The following VPS13C variants were observed in gnomAD, a reference collection of about 807,000 sequenced individuals.
VPS13C encodes the protein intermembrane lipid transfer protein VPS13C.
A neutral mutation model predicts 456.8 loss-of-function variants in VPS13C; 358 were observed. The observed-to-expected ratio is 0.78, with a 90% CI of 0.72 to 0.86. The LOEUF is 0.86. Among genes scored for constraint, VPS13C ranks in the 40% least tolerant of loss-of-function variants. VPS13C has a pLI of 0.00. For missense variants in VPS13C, 4,818 were observed against 4,385.4 expected (o/e 1.10, Z -2.79); for synonymous variants, 1,578 against 1,486.7 (o/e 1.06, Z -1.41).
rs1255816719 is a variant in VPS13C at position 61,936,746 on chromosome 15, G to A, written c.5606C>T (p.Ala1869Val). 1.2e-6 allele frequency: 2 copies of A among 1,606,794 alleles called. No homozygotes were observed. The highest frequency in any genetic ancestry group is 1.3e-5 in the African/African-American group (1 of 74,438). ...IKGKLKPMQV[A>V]LSEDDLTVLM... The stretch of plus-strand genomic sequence containing the variant: ...AACTGTCAAGTCATCTTCACTGAGA[G>A]CAACCTAGAAACCACCAATAATTTG... The change falls in exon 48 of 85, where the codon GCT becomes GTT. Residue 1869 changes from alanine to valine, a missense_variant. By Grantham distance (64) the Ala-to-Val change is moderately conservative. This residue lies in a region of VPS13C where 4,552 missense variants were observed against 4,130.6 expected (regional missense o/e 1.10). Coordinates refer to ENST00000644861, the MANE Select transcript of VPS13C (RefSeq NM_020821.3).
At chr15:62,039,509 T>C (rs761886856) in intron 3 of VPS13C, among the ~76,000 whole-genome samples, 41 of 151,504 alleles carry the variant, frequency 2.7e-4, no homozygotes, top group South Asian at 2.1e-4. Context: ...AACAACTCTA[T>C]AGGAAAAAAT....
rs1277852953 is a variant in VPS13C, at chr15:61,941,791, T to C, written c.5425A>G (p.Ile1809Val). ...SLPPVIDKMN[I>V]ELTQLKLSRT... ...GACAGCTTCAACTGAGTGAGTTCGA[T>C]GTTCATTTTATCAATGACTGGAGGA... The change falls in exon 46 of 85, where the codon ATC (isoleucine) becomes GTC (valine). Residue 1809 changes from isoleucine (I) to valine (V), a missense_variant. Around this residue, in one of 3 missense-constraint regions of VPS13C, gnomAD observed 4,552 missense variants for 4,130.6 expected, o/e 1.10. Coordinates refer to ENST00000644861, the MANE Select transcript of VPS13C (RefSeq NM_020821.3). The C allele has an allele frequency of 1.9e-6, 3 of 1,613,030 alleles. No homozygotes were observed. Among genetic ancestry groups the C allele is most frequent in the Admixed American group, 1.7e-5 (1 of 59,994 alleles).
intron 80 of VPS13C, 54 bp downstream of exon 80, chr15:61,869,446 T>C (rs1203779290): frequency 1.5e-5 from 24 of 1,588,068 alleles, no homozygotes; most frequent in Non-Finnish European, 2.1e-5. Context: ...TATGTATTCC[T>C]TGTAATAATT....
At chr15:61,888,261 G>C (rs1896411372) in intron 67 of VPS13C, among the ~76,000 whole-genome samples, 1 of 152,162 alleles carries the variant, frequency 6.6e-6, no homozygotes, top group Non-Finnish European at 1.5e-5. Flanking sequence ...CAAAAATGAT[G>C]CAACCACTTT....
intron 16 of VPS13C, among the ~76,000 whole-genome samples, chr15:61,992,328 C>G (rs2046248339): frequency 6.6e-6 from 1 of 152,168 alleles, no homozygotes; most frequent in Admixed American, 6.5e-5. Context: ...TTTTCTATCA[C>G]TCCTTCTCTT....
Position 61,910,183 on chromosome 15 carries a change from T to G in VPS13C, c.8838A>C (p.Glu2946Asp). Residue 2946 changes from glutamate to aspartate, a missense_variant, in exon 64 of 85, where the codon GAA becomes GAC. By Grantham distance (45) the Glu-to-Asp change is conservative (BLOSUM62 2). This residue lies in a region of VPS13C where 4,552 missense variants were observed against 4,130.6 expected (regional missense o/e 1.10). Transcript: ENST00000644861. ...RQDNGTLLSL[E>D]DLNGGILVDV... ...ATAAAATATGAAAACTTACCAGATC[T>G]TCTAAGCTCAATAAAGTGCCATTAT... The G allele has an allele frequency of 7.3e-7, 1 of 1,373,614 alleles. No individual in the cohort carries two copies. The allele number at this position is 1,373,614 out of a possible 1,614,324, so 85.1% of individuals were successfully genotyped here. A position where few individuals can be genotyped will look rare whatever the true frequency, so the allele number is the denominator to read the frequency against.
intron 40 of VPS13C, 75 bp downstream of exon 40, chr15:61,950,870 G>A (rs929885807): frequency 7.3e-6 from 7 of 961,692 alleles, no homozygotes; most frequent in East Asian, 5.6e-5. Context: ...GAGAGAAAAT[G>A]AGAATATTAA....
intron 48 of VPS13C, among the ~76,000 whole-genome samples, chr15:61,934,678 T>C (rs1596350845): frequency 6.6e-6 from 1 of 152,186 alleles, no homozygotes; most frequent in East Asian, 1.9e-4. Context: ...GTCCAATACT[T>C]TGCCTTATAT....
Position 61,981,342 on chromosome 15 carries a change from CT to C in VPS13C, c.2165del (p.Gln722ArgfsTer20). 1 of 1,606,502 alleles carries C rather than the reference CT, an allele frequency of 6.2e-7. No homozygotes were observed. The highest frequency in any genetic ancestry group is 8.5e-7 in the Non-Finnish European group (1 of 1,177,430). On this transcript the variant is annotated frameshift_variant and splice_region_variant, in exon 22 of 85. Coordinates refer to ENST00000644861, the MANE Select transcript of VPS13C (RefSeq NM_020821.3). LOFTEE classifies it high-confidence loss of function. Reference sequence around the variant, plus strand: ...GACAAAAAAACGCATATATACCTACCTGAAATGTACCAAAATCTAAAATCAG... The same window carrying C: ...GACAAAAAAACGCATATATACCTACCGAAATGTACCAAAATCTAAAATCAG... ...DLLILDFGTFQLNSKDQGLQK... is the reference protein window; with the variant it reads ...DLLILDFGTFXLNSKDQGLQK...
At chr15:61,897,525 T>C (rs28875310) in intron 66 of VPS13C, among the ~76,000 whole-genome samples, 1 of 151,960 alleles carries the variant, frequency 6.6e-6, no homozygotes, top group African/African-American at 2.4e-5. Context: ...AAATGAATGA[T>C]ATGAAGCGAG....
At chr15:61,945,211 A>T (rs2140271434) in intron 45 of VPS13C, among the ~76,000 whole-genome samples, 1 of 152,342 alleles carries the variant, frequency 6.6e-6, no homozygotes. Context: ...TTTTCTTTGT[A>T]AATTACCCAG....
chr15:62,008,973 T>C (rs1057474181), intron 13 of VPS13C, among the ~76,000 whole-genome samples: 1 of 152,182 alleles, frequency 6.6e-6, no homozygotes, highest in South Asian at 2.1e-4. Flanking sequence ...CAATTTTAAG[T>C]TGTAATATAA....
chr15:62,048,164 T>C (rs552749433), intron 1 of VPS13C, among the ~76,000 whole-genome samples: 58 of 151,814 alleles, frequency 3.8e-4, no homozygotes, highest in Middle Eastern at 3.4e-3. Context: ...TGCAGGTTTG[T>C]TACATATGTA....
intron 68 of VPS13C, 143 bp downstream of exon 68, chr15:61,883,985 A>G (rs1896073611): frequency 1.6e-6 from 1 of 609,168 alleles, no homozygotes; most frequent in African/African-American, 1.9e-5. Context: ...TAGACACGCC[A>G]ATCCTATTAA....
chr15:62,023,260 G>A (rs537407048), intron 8 of VPS13C, 151 bp downstream of exon 8: 49 of 387,218 alleles, frequency 1.3e-4, no homozygotes, highest in Non-Finnish European at 1.8e-4. Flanking sequence ...CCAATAAAAC[G>A]AGGCTAACAC....
intron 9 of VPS13C, among the ~76,000 whole-genome samples, chr15:62,017,310 T>G (rs1393781484): frequency 1.3e-5 from 2 of 152,174 alleles, no homozygotes; most frequent in East Asian, 3.8e-4. Flanking sequence ...TTTGTCAATT[T>G]TGGCTTTTGT....
rs1172458272 is a variant in VPS13C at position 61,955,993 on chromosome 15, T to C, written c.4166-1439A>G. On this transcript the variant is annotated intron_variant, in intron 37 of 84. Coordinates refer to ENST00000644861, the MANE Select transcript of VPS13C (RefSeq NM_020821.3). ...TACAGGGTACATACCCAAAGAAAAATACCTCATTCTACCAAAACGACCACA... is the reference window on the plus strand; with the variant it reads ...TACAGGGTACATACCCAAAGAAAAACACCTCATTCTACCAAAACGACCACA... Among the ~76,000 whole-genome samples, 28 of 151,902 alleles carry C rather than the reference T, an allele frequency of 1.8e-4. 1 individual carries two copies. The highest frequency in any genetic ancestry group is 1.8e-3 in the Admixed American group (27 of 15,228).
intron 73 of VPS13C, 39 bp downstream of exon 73, chr15:61,880,570 T>A (rs1895769608): frequency 5.0e-6 from 7 of 1,402,200 alleles, no homozygotes; most frequent in Non-Finnish European, 6.8e-6. Context: ...AGTTCTACAA[T>A]AATTTCACTA....
At chr15:62,002,699 A>C (rs2046672659) in intron 15 of VPS13C, among the ~76,000 whole-genome samples, 2 of 96,838 alleles carry the variant, frequency 2.1e-5, no homozygotes, top group African/African-American at 3.8e-5. Context: ...TTTTTGTATA[A>C]GGTGTAAGGA....
Sources: gnomAD v4.1 joint callset for allele counts (sites outside exome capture counted in the v4.1 genomes callset) on GRCh38, gnomAD v4.1.1 for gene constraint, gnomAD v4.1.1 regional missense constraint, MANE v1.5 for transcripts, NCBI Gene and HGNC (gene_info 2026-07-23, HGNC 2026-07-21) for gene names.